The following TAFA1 variants were observed in gnomAD, a reference collection of about 807,000 sequenced individuals.
TAFA1 encodes the protein chemokine-like protein TAFA-1.
A neutral mutation model predicts 18.5 loss-of-function variants in TAFA1; 4 were observed. The ratio of observed to expected loss-of-function variants is 0.22; its 90% CI spans 0.11 to 0.49. The LOEUF (loss-of-function observed/expected upper bound fraction) is 0.49. Ranked by LOEUF, TAFA1 falls within the 20% of genes least tolerant of loss-of-function variation. TAFA1 has a pLI of 0.98. For missense variants in TAFA1, 147 were observed against 169.0 expected (o/e 0.87, Z 0.72); for synonymous variants, 56 against 55.2 (o/e 1.01, Z -0.06).
At chr3:68,197,399 C>T (rs1393925772) in intron 2 of TAFA1, among the ~76,000 whole-genome samples, 1 of 151,534 alleles carries the variant, frequency 6.6e-6, no homozygotes, top group East Asian at 2.0e-4. Flanking sequence ...TTTAGAATTA[C>T]TTGATTTTTA....
At chr3:68,326,366 A>C (rs2068777819) in intron 2 of TAFA1, among the ~76,000 whole-genome samples, 1 of 152,142 alleles carries the variant, frequency 6.6e-6, no homozygotes, top group Admixed American at 6.5e-5. Context: ...TTATCTTTGG[A>C]AATTAAGCCT....
intron 2 of TAFA1, among the ~76,000 whole-genome samples, chr3:68,244,370 G>A (rs763267517): frequency 6.6e-6 from 1 of 151,758 alleles, no homozygotes; most frequent in Non-Finnish European, 1.5e-5. Flanking sequence ...TTTTTCTAGA[G>A]ATTTTAGTGT....
intron 2 of TAFA1, among the ~76,000 whole-genome samples, chr3:68,402,144 A>C (rs1046185849): frequency 6.6e-6 from 1 of 152,186 alleles, no homozygotes; most frequent in Non-Finnish European, 1.5e-5. Flanking sequence ...ATTAGTGAGC[A>C]TGAGATTTCC....
chr3:68,113,909 T>G (rs1329621217), intron 2 of TAFA1, among the ~76,000 whole-genome samples: 4 of 145,132 alleles, frequency 2.8e-5, no homozygotes, highest in East Asian at 2.0e-4. Flanking sequence ...TTTTTTTTTT[T>G]TTTTTTTTTT....
intron 3 of TAFA1, among the ~76,000 whole-genome samples, chr3:68,442,704 G>A (rs1321209608): frequency 6.6e-6 from 1 of 152,094 alleles, no homozygotes; most frequent in East Asian, 1.9e-4. Context: ...CTAACAATAA[G>A]GTAGTATACA....
At chr3:68,461,834 T>C (rs2071788081) in intron 3 of TAFA1, among the ~76,000 whole-genome samples, 1 of 152,006 alleles carries the variant, frequency 6.6e-6, no homozygotes, top group African/African-American at 2.4e-5. Flanking sequence ...TATGCCCAGT[T>C]TTCTGGTAGC....
At chr3:68,122,748 T>G (rs1239641165) in intron 2 of TAFA1, among the ~76,000 whole-genome samples, 1 of 152,152 alleles carries the variant, frequency 6.6e-6, no homozygotes. Context: ...TATATGAAGA[T>G]TTCAGTTGCT....
chr3:68,212,413 T>C (rs1575683035), intron 2 of TAFA1, among the ~76,000 whole-genome samples: 2 of 152,106 alleles, frequency 1.3e-5, no homozygotes, highest in East Asian at 3.9e-4. Context: ...TTTGGGATGC[T>C]CAGTCTTGCT....
At chr3:68,059,644 G>C (rs528733481) in intron 2 of TAFA1, among the ~76,000 whole-genome samples, 1 of 152,290 alleles carries the variant, frequency 6.6e-6, no homozygotes, top group East Asian at 1.9e-4. Flanking sequence ...GGCACTCAGT[G>C]TGTGTCTGCA....
At chr3:68,235,497 C>T (rs1383378589) in intron 2 of TAFA1, among the ~76,000 whole-genome samples, 3 of 152,162 alleles carry the variant, frequency 2.0e-5, no homozygotes, top group Non-Finnish European at 2.9e-5. Context: ...AAATTGCATT[C>T]CAGGTTCATA....
intron 2 of TAFA1, among the ~76,000 whole-genome samples, chr3:68,078,152 A>G (rs1012196069): frequency 6.6e-6 from 1 of 152,132 alleles, no homozygotes; most frequent in Non-Finnish European, 1.5e-5. Context: ...ATTTTTGTAC[A>G]TTGATTTTGT....
intron 1 of TAFA1, among the ~76,000 whole-genome samples, chr3:68,005,748 A>G (rs780654236): frequency 6.6e-6 from 1 of 152,188 alleles, no homozygotes; most frequent in Admixed American, 6.5e-5. Flanking sequence ...CGGTGCTTCA[A>G]GTTTGATTAA....
intron 2 of TAFA1, among the ~76,000 whole-genome samples, chr3:68,216,812 C>T (rs1366221506): frequency 6.6e-6 from 1 of 152,006 alleles, no homozygotes; most frequent in Non-Finnish European, 1.5e-5. Context: ...GAAGAGCTCC[C>T]AAGAGCCAGC....
chr3:68,055,758 T>C (rs9874375), intron 2 of TAFA1, among the ~76,000 whole-genome samples: 146,975 of 152,206 alleles, frequency 0.97, 70,986 homozygotes, highest in African/African-American at 0.98. Flanking sequence ...AGATGTCCCT[T>C]TCCCTGGACA....
chr3:68,308,963 C>G (rs1251105321), intron 2 of TAFA1, among the ~76,000 whole-genome samples: 1 of 152,172 alleles, frequency 6.6e-6, no homozygotes, highest in Non-Finnish European at 1.5e-5. Context: ...CAGTATGTTA[C>G]CGTTATACCA....
intron 2 of TAFA1, among the ~76,000 whole-genome samples, chr3:68,137,961 T>C (rs925927568): frequency 2.1e-5 from 3 of 145,440 alleles, no homozygotes; most frequent in Non-Finnish European, 4.5e-5. Context: ...TTACCACACA[T>C]GACTAATCTT....
At chr3:68,079,100 G>A (rs1346606105) in intron 2 of TAFA1, among the ~76,000 whole-genome samples, 1 of 152,190 alleles carries the variant, frequency 6.6e-6, no homozygotes, top group Non-Finnish European at 1.5e-5. Context: ...TATCTGCATA[G>A]AGGTGTTTGT....
intron 2 of TAFA1, among the ~76,000 whole-genome samples, chr3:68,037,446 G>A (rs1384737701): frequency 2.0e-5 from 3 of 152,130 alleles, no homozygotes; most frequent in South Asian, 2.1e-4. Flanking sequence ...CTTGCTTCAC[G>A]TGGAAAGATT....
At chr3:68,255,151 C>A (rs570783330) in intron 2 of TAFA1, among the ~76,000 whole-genome samples, 25 of 152,228 alleles carry the variant, frequency 1.6e-4, no homozygotes, top group South Asian at 8.3e-4. Flanking sequence ...AGGTCATCTG[C>A]TGACACAAAC....
Sources: gnomAD v4.1 joint callset for allele counts (sites outside exome capture counted in the v4.1 genomes callset) on GRCh38, gnomAD v4.1.1 for gene constraint, MANE v1.5 for transcripts, NCBI Gene and HGNC (gene_info 2026-07-23, HGNC 2026-07-21) for gene names.